C7: variants seen among roughly 807,000 people sequenced by gnomAD.
C7 encodes the protein complement C7.
C7 carries 83 observed loss-of-function variants against 104.8 expected under a neutral mutation model. The ratio of observed to expected loss-of-function variants is 0.79; its 90% CI spans 0.66 to 0.95. C7 has a LOEUF of 0.95. Ranked by LOEUF, C7 falls within the 40% of genes least tolerant of loss-of-function variation. The probability of loss-of-function intolerance (pLI) is 0.00; values close to 1 mark genes in which losing one functional copy is unlikely to be tolerated. For missense variants in C7, 1,070 were observed against 1,011.2 expected (o/e 1.06, Z -0.79); for synonymous variants, 415 against 360.6 (o/e 1.15, Z -1.71).
chr5:40,949,744 A>T (rs1740126088), intron 8 of C7, among the ~76,000 whole-genome samples, 160 bp from the exon 9 acceptor site: 1 of 152,114 alleles, frequency 6.6e-6, no homozygotes, highest in Admixed American at 6.6e-5. Context: ...ATTTTTTCTG[A>T]TCTTTGACTC....
At chr5:40,971,947 A>G in intron 14 of C7, 1 of 414,912 alleles carries the variant, frequency 2.4e-6, no homozygotes, top group Non-Finnish European at 4.7e-6. Flanking sequence ...AACAAGACAG[A>G]CCCTGTCCCT....
chr5:40,968,221 G>A (rs1441040838), intron 14 of C7, among the ~76,000 whole-genome samples: 1 of 151,772 alleles, frequency 6.6e-6, no homozygotes, highest in African/African-American at 2.4e-5. Context: ...CGCTTCCCAG[G>A]TTCAAACAAT....
At chr5:40,918,947 CAG>C (rs1739382327) in intron 1 of C7, among the ~76,000 whole-genome samples, 1 of 110,850 alleles carries the variant, frequency 9.0e-6, no homozygotes. Context: ...ATGAATCTAA[CAG>C]ACACACACAC....
chr5:40,964,925 GA>G, intron 14 of C7, 52 bp downstream of exon 14: 1 of 1,597,830 alleles, frequency 6.3e-7, no homozygotes, highest in South Asian at 1.1e-5. Flanking sequence ...ACGTGGAAGA[GA>G]ATGAATCAAG....
intron 1 of C7, among the ~76,000 whole-genome samples, chr5:40,922,374 CAAAAAAAAA>C (rs869109946): frequency 0.03 from 1,277 of 43,074 alleles, 49 homozygotes; most frequent in African/African-American, 0.082. Context: ...GACTCTGTCT[CAAAAAAAAA>C]AAAAAAAAAA....
chr5:40,956,504 G>A (rs1472325606), intron 10 of C7, among the ~76,000 whole-genome samples: 1 of 152,192 alleles, frequency 6.6e-6, no homozygotes, highest in Admixed American at 6.5e-5. Context: ...AGCATTTTGT[G>A]TTCACCCTGT....
At chr5:40,912,713 C>A (rs116246382) in intron 1 of C7, among the ~76,000 whole-genome samples, 1 of 152,136 alleles carries the variant, frequency 6.6e-6, no homozygotes, top group Admixed American at 6.6e-5. Flanking sequence ...TTTTCATTAT[C>A]CACATTTTGG....
In C7 at chr5:40,947,619, T is replaced by G; in HGVS notation, c.756T>G (p.Val252=). 6.2e-7 allele frequency: 1 copy of G among 1,613,328 alleles called. No homozygotes were observed. Among genetic ancestry groups the G allele is most frequent in the Non-Finnish European group, 8.5e-7 (1 of 1,179,610 alleles). Residue 252 remains valine (V), a synonymous_variant, in exon 8 of 18, where the codon GTT becomes GTG. Transcript: ENST00000313164. ...IHKGKSYQLL[V]VENTVEVAQF... ...TTCCACAGAGTTACCAACTGCTGGT[T>G]GTTGAGAACACTGTTGAAGTGGCTC... is the stretch of plus-strand genomic sequence containing the variant.
chr5:40,969,243 A>G (rs1342024932), intron 14 of C7, among the ~76,000 whole-genome samples: 3 of 136,958 alleles, frequency 2.2e-5, no homozygotes, highest in African/African-American at 8.8e-5. Context: ...AAATAACATC[A>G]ATTACTTCAA....
At chr5:40,948,684 G>A (rs1740101439) in intron 8 of C7, among the ~76,000 whole-genome samples, 1 of 152,172 alleles carries the variant, frequency 6.6e-6, no homozygotes, top group South Asian at 2.1e-4. Flanking sequence ...CTCCTCTTCA[G>A]AGACTAGCCT....
At chr5:40,911,362 A>G (rs1739203982) in intron 1 of C7, among the ~76,000 whole-genome samples, 1 of 152,240 alleles carries the variant, frequency 6.6e-6, no homozygotes, top group Non-Finnish European at 1.5e-5. Flanking sequence ...TCAGAGAGAC[A>G]GTCACAGGAT....
chr5:40,934,083 A>G (rs1218273674), intron 3 of C7, among the ~76,000 whole-genome samples: 1 of 151,686 alleles, frequency 6.6e-6, no homozygotes, highest in East Asian at 1.9e-4. Flanking sequence ...CTGAAAGTCA[A>G]TATATGCCTG....
At chr5:40,932,515 A>T (rs1386123895) in intron 3 of C7, among the ~76,000 whole-genome samples, 1 of 152,184 alleles carries the variant, frequency 6.6e-6, no homozygotes, top group Non-Finnish European at 1.5e-5. Flanking sequence ...TAACAGAATC[A>T]TACCATAGAA....
intron 1 of C7, among the ~76,000 whole-genome samples, chr5:40,920,945 A>T (rs1739425402): frequency 6.6e-6 from 1 of 151,822 alleles, no homozygotes; most frequent in Admixed American, 6.6e-5. Context: ...GCTACTCAGG[A>T]GGCTGAGGCA....
At chr5:40,926,497 C>A (rs1739554845) in intron 1 of C7, among the ~76,000 whole-genome samples, 1 of 152,148 alleles carries the variant, frequency 6.6e-6, no homozygotes, top group Non-Finnish European at 1.5e-5. Context: ...GCTGGTGACA[C>A]AATCTTATAT....
In C7 at chr5:40,937,601, AG is replaced by A. The variant is rs2111600524; in HGVS notation, c.479del (p.Ser160IlefsTer20). The A allele has an allele frequency of 1.9e-6, 3 of 1,612,790 alleles. No homozygotes were observed. Among genetic ancestry groups the A allele is most frequent in the African/African-American group, 1.3e-5 (1 of 74,990 alleles). ...TAGGAACAGAGTCATCAATACCAAA[AG>A]TTTTGGTGGTCAATGTAGAAAGGTG... ...QFRNRVINTKSFGGQCRKVFS... is the reference protein window; with the variant it reads ...QFRNRVINTKXFGGQCRKVFS... On this transcript the variant is annotated frameshift_variant, in exon 6 of 18. Coordinates refer to ENST00000313164, the MANE Select transcript of C7 (RefSeq NM_000587.4). LOFTEE classifies it high-confidence loss of function.
intron 1 of C7, among the ~76,000 whole-genome samples, chr5:40,912,537 C>G (rs749169913): frequency 6.8e-6 from 1 of 146,206 alleles, no homozygotes; most frequent in African/African-American, 2.8e-5. Flanking sequence ...CGCCACCATG[C>G]CTGGCTAATT....
chr5:40,930,031 T>A (rs1188993244), intron 2 of C7, among the ~76,000 whole-genome samples: 4 of 152,134 alleles, frequency 2.6e-5, no homozygotes, highest in Non-Finnish European at 5.9e-5. Context: ...TATTTACATA[T>A]GTTTTCACCT....
intron 9 of C7, among the ~76,000 whole-genome samples, chr5:40,953,817 C>A (rs986606422): frequency 4.1e-4 from 17 of 40,966 alleles, no homozygotes; most frequent in Non-Finnish European, 9.7e-4. Flanking sequence ...GATCATTACA[C>A]ATTCTATGCA....
Sources: allele counts gnomAD v4.1 joint callset (sites outside exome capture counted in the v4.1 genomes callset), GRCh38; gene constraint gnomAD v4.1.1; transcripts MANE v1.5; gene names NCBI Gene and HGNC (gene_info 2026-07-23, HGNC 2026-07-21).